The following LRRC63 variants were observed in gnomAD, a reference collection of about 807,000 sequenced individuals.
LRRC63 encodes leucine rich repeat containing 63.
In LRRC63, 40 loss-of-function variants were observed where a neutral mutation model predicts 49.5. The ratio of observed to expected loss-of-function variants is 0.81; its 90% CI spans 0.63 to 1.05. LRRC63 has a LOEUF of 1.05. Ranked by LOEUF, LRRC63 falls within the 50% of genes least tolerant of loss-of-function variation. The pLI, the probability that LRRC63 is intolerant of heterozygous loss-of-function variation, is 0.00. For synonymous variants in LRRC63, 191 were observed against 221.1 expected (o/e 0.86, Z 1.21); for missense variants, 636 against 663.1 (o/e 0.96, Z 0.45).
chr13:46,234,079 A>T lies in LRRC63; in HGVS notation c.833-113A>T. On this transcript the variant is annotated intron_variant, in intron 4 of 9. Transcript: ENST00000595396. The stretch of plus-strand genomic sequence containing the variant: ...GGGGAATCCCTGCCAGAGGATGTGT[A>T]CACTTAAGTCCTTAGGGTAACTCAA... 1.0e-5 allele frequency: 10 copies of T among 972,382 alleles called. 1 individual carries two copies. The Admixed American group carries it at 2.7e-4, about 26-fold the overall frequency. 60.2% of individuals were successfully genotyped at this position (972,382 alleles called of 1,614,324 possible).
chr13:46,257,067 G>A (rs536205213), intron 7 of LRRC63, among the ~76,000 whole-genome samples: 1 of 152,278 alleles, frequency 6.6e-6, no homozygotes, highest in East Asian at 1.9e-4. Flanking sequence ...AAAAATGGAA[G>A]GGGGATGCAG....
At chr13:46,260,839 G>A (rs1358813355) in intron 7 of LRRC63, among the ~76,000 whole-genome samples, 2 of 152,146 alleles carry the variant, frequency 1.3e-5, no homozygotes, top group African/African-American at 2.4e-5. Context: ...AGTAGCATGG[G>A]ACCAGATCAT....
rs2047668955 is a variant in LRRC63 at position 46,265,256 on chromosome 13, G to A, written c.1311-1477G>A. On this transcript the variant is annotated intron_variant, in intron 8 of 9. Coordinates refer to ENST00000595396, the Ensembl canonical transcript of LRRC63. ...GTGTCCTCCGAGGTAAACCAACTCA[G>A]GCAGGGAGAGCCTCACCATGGCTAT... Among the ~76,000 whole-genome samples the A allele has an allele frequency of 2.0e-5, 3 of 152,144 alleles. No homozygotes were observed. In the South Asian group the frequency reaches 6.2e-4, roughly 31 times the overall value.
At chr13:46,247,044 C>T (rs1335940785) in intron 6 of LRRC63, among the ~76,000 whole-genome samples, 2 of 151,998 alleles carry the variant, frequency 1.3e-5, no homozygotes, top group Non-Finnish European at 2.9e-5. Flanking sequence ...GAAGGATAAT[C>T]AGATATGAGA....
At chr13:46,227,296 T>G (rs1211665080) in intron 2 of LRRC63, among the ~76,000 whole-genome samples, 1 of 152,162 alleles carries the variant, frequency 6.6e-6, no homozygotes, top group Admixed American at 6.5e-5. Context: ...CCTTTTAAAA[T>G]CTAATACAAT....
intron 5 of LRRC63, among the ~76,000 whole-genome samples, chr13:46,234,826 A>G (rs2046861405): frequency 6.6e-6 from 1 of 152,170 alleles, no homozygotes; most frequent in African/African-American, 2.4e-5. Flanking sequence ...GCCTTAATGA[A>G]AGTAACTTGT....
At position 46,266,546 on chromosome 13, in the gene LRRC63, A is replaced by G. The variant is rs908985898; in HGVS notation, c.1311-187A>G. ...TATTCACTCAAAGGCACTTATTTGC[A>G]TAATACTATATTGGTTCTATTGCTT... On this transcript the variant is annotated intron_variant, in intron 8 of 9. Coordinates refer to ENST00000595396, the Ensembl canonical transcript of LRRC63. Among the ~76,000 whole-genome samples the G allele has an allele frequency of 3.9e-5, 6 of 152,242 alleles. No individual in the cohort carries two copies. The South Asian group carries it at 1.2e-3, about 31-fold the overall frequency.
At chr13:46,235,921 G>C (rs2046891034) in intron 5 of LRRC63, among the ~76,000 whole-genome samples, 1 of 151,870 alleles carries the variant, frequency 6.6e-6, no homozygotes, top group Admixed American at 6.6e-5. Flanking sequence ...TCAATAAGGA[G>C]AATAATGTGT....
rs2046111949 is a variant in LRRC63, at chr13:46,212,216, C to CGCTCA, written c.-77_-76insGCTCA. 6.6e-6 allele frequency: 1 copy of CGCTCA among 152,234 alleles called. No individual in the cohort carries two copies. Among genetic ancestry groups the CGCTCA allele is most frequent in the Admixed American group, 6.5e-5 (1 of 15,280 alleles). 9.4% of individuals were successfully genotyped at this position (152,234 alleles called of 1,614,324 possible). ...TCCAGCATCGTGTGGAACATATGAC[C>CGCTCA]AGGGAGTACACCTTGAGCGCTTGTG... On this transcript the variant is annotated 5_prime_UTR_variant, in exon 1 of 10. An upstream open reading frame in the 5' UTR gains an earlier in-frame stop. Coordinates refer to ENST00000595396, the Ensembl canonical transcript of LRRC63.
intron 9 of LRRC63, among the ~76,000 whole-genome samples, chr13:46,271,682 A>C (rs1173686509): frequency 2.6e-5 from 4 of 151,686 alleles, no homozygotes; most frequent in Admixed American, 6.6e-5. Context: ...AAGGCGTAGA[A>C]GCCTTTGAAA....
chr13:46,229,604 G>T (rs1318103219), intron 4 of LRRC63, among the ~76,000 whole-genome samples: 1 of 152,116 alleles, frequency 6.6e-6, no homozygotes, highest in Non-Finnish European at 1.5e-5. Context: ...GGCGAGGAGA[G>T]AATTGAAGGA....
intron 8 of LRRC63, among the ~76,000 whole-genome samples, chr13:46,265,594 G>T (rs12584799): frequency 0.23 from 34,609 of 151,984 alleles, 4,640 homozygotes; most frequent in East Asian, 0.35. Flanking sequence ...ACGCATGAGG[G>T]CTCCTGCCCT....
chr13:46,238,009 T>C (rs1214744503), intron 5 of LRRC63, among the ~76,000 whole-genome samples: 1 of 152,116 alleles, frequency 6.6e-6, no homozygotes, highest in East Asian at 1.9e-4. Flanking sequence ...GCAACCCTAA[T>C]TTCAGACAAA....
chr13:46,261,708 C>A (rs954260464), intron 7 of LRRC63, among the ~76,000 whole-genome samples: 3 of 152,154 alleles, frequency 2.0e-5, no homozygotes, highest in African/African-American at 7.2e-5. Flanking sequence ...CCAAAAATCT[C>A]AAACTGGTCT....
exon 2 of LRRC63, chr13:46,213,023 T>C (rs1475203140): frequency 3.9e-6 from 6 of 1,526,408 alleles, no homozygotes; most frequent in South Asian, 2.4e-5. Context: ...ACAGCACTTA[T>C]TATTCATTAA....
intron 3 of LRRC63, 29 bp downstream of exon 3, chr13:46,228,218 A>T: frequency 6.8e-7 from 1 of 1,479,712 alleles, no homozygotes; most frequent in East Asian, 2.5e-5. Context: ...CGGTATAATT[A>T]TAGAGTCAAG....
intron 5 of LRRC63, among the ~76,000 whole-genome samples, chr13:46,241,878 A>T (rs1297307360): frequency 3.9e-5 from 6 of 152,238 alleles, no homozygotes; most frequent in African/African-American, 9.6e-5. Flanking sequence ...GTGGGAGTGT[A>T]AATTAGTTCA....
At chr13:46,227,571 A>G (rs1282477400) in exon 3 of LRRC63, 22 of 1,548,822 alleles carry the variant, frequency 1.4e-5, no homozygotes, top group Non-Finnish European at 1.7e-5. Context: ...AACCACTTCC[A>G]TTAAAATGGA....
At chr13:46,219,651 G>A (rs1176658653) in intron 2 of LRRC63, among the ~76,000 whole-genome samples, 1 of 152,138 alleles carries the variant, frequency 6.6e-6, no homozygotes, top group Admixed American at 6.5e-5. Flanking sequence ...TGCTGGCATG[G>A]AGTTGTGATC....
Sources: allele counts gnomAD v4.1 joint callset (sites outside exome capture counted in the v4.1 genomes callset), GRCh38; gene constraint gnomAD v4.1.1; transcripts MANE v1.5; gene names NCBI Gene and HGNC (gene_info 2026-07-23, HGNC 2026-07-21).